The following GTF2F2 variants were observed in gnomAD, a reference collection of about 807,000 sequenced individuals.
GTF2F2 encodes ATP-dependent helicase GTF2F2.
GTF2F2 carries 23 observed loss-of-function variants against 42.2 expected under a neutral mutation model. The ratio of observed to expected loss-of-function variants is 0.55; its 90% CI spans 0.39 to 0.77. GTF2F2 has a LOEUF of 0.77. GTF2F2 is among the 30% of genes least tolerant of loss of function. The pLI, the probability that GTF2F2 is intolerant of heterozygous loss-of-function variation, is 0.00. For missense variants in GTF2F2, 261 were observed against 287.2 expected, an observed-to-expected ratio of 0.91 and a Z score of 0.66; for synonymous variants, 105 against 100.8, an observed-to-expected ratio of 1.04 and a Z score of -0.25.
At chr13:45,173,767 G>A (rs1211417576) in intron 4 of GTF2F2, among the ~76,000 whole-genome samples, 11 of 151,422 alleles carry the variant, frequency 7.3e-5, no homozygotes, top group Non-Finnish European at 8.8e-5. Flanking sequence ...ACAGGCGCCC[G>A]CTACCACGCC....
intron 4 of GTF2F2, among the ~76,000 whole-genome samples, chr13:45,167,451 G>A (rs1482032059): frequency 6.8e-6 from 1 of 146,476 alleles, no homozygotes; most frequent in Non-Finnish European, 1.5e-5. Context: ...AGGCTGGAGT[G>A]CAGTGGTGCT....
intron 5 of GTF2F2, among the ~76,000 whole-genome samples, chr13:45,212,079 G>A (rs1267917716): frequency 2.0e-5 from 3 of 152,120 alleles, no homozygotes; most frequent in Non-Finnish European, 4.4e-5. Flanking sequence ...TAGCAACGTG[G>A]TAGTGCTATT....
At chr13:45,215,157 T>C (rs754859881) in intron 5 of GTF2F2, among the ~76,000 whole-genome samples, 3 of 152,190 alleles carry the variant, frequency 2.0e-5, no homozygotes, top group Non-Finnish European at 4.4e-5. Flanking sequence ...TCAGAGGAAA[T>C]GCTTTGAGAA....
intron 4 of GTF2F2, among the ~76,000 whole-genome samples, chr13:45,160,383 ACT>A (rs1239516490): frequency 1.3e-5 from 2 of 152,172 alleles, no homozygotes; most frequent in Admixed American, 1.3e-4. Context: ...CTACACTAAA[ACT>A]CTGCAAGTGG....
chr13:45,175,750 G>A (rs1028434527), intron 4 of GTF2F2, among the ~76,000 whole-genome samples: 1 of 152,116 alleles, frequency 6.6e-6, no homozygotes, highest in African/African-American at 2.4e-5. Context: ...AGCCTCCCGA[G>A]TAGCTGGGAT....
At chr13:45,276,693 G>C (rs760477321) in intron 7 of GTF2F2, among the ~76,000 whole-genome samples, 1 of 152,048 alleles carries the variant, frequency 6.6e-6, no homozygotes, top group Non-Finnish European at 1.5e-5. Context: ...CACCTGCCTC[G>C]GCCTCCCAAA....
At chr13:45,185,750 GCACTAAAT>G (rs1872389358) in intron 4 of GTF2F2, among the ~76,000 whole-genome samples, 1 of 152,088 alleles carries the variant, frequency 6.6e-6, no homozygotes, top group South Asian at 2.1e-4. Flanking sequence ...GAAAGAAAAT[GCACTAAAT>G]CATTTATGAC....
intron 7 of GTF2F2, among the ~76,000 whole-genome samples, chr13:45,277,153 C>T (rs1566159899): frequency 6.6e-6 from 1 of 152,160 alleles, no homozygotes; most frequent in Non-Finnish European, 1.5e-5. Flanking sequence ...ATCGCCTTTC[C>T]TCTAAATGAG....
In GTF2F2 at chr13:45,196,149, A is replaced by G. The variant is rs533660963; in HGVS notation, c.305-11275A>G. ...TATAGTGATCTTGAAGTTAACATTTATGTATTATTGAGATCAAAAGTTCGT... is the reference window on the plus strand; with the variant it reads ...TATAGTGATCTTGAAGTTAACATTTGTGTATTATTGAGATCAAAAGTTCGT... On this transcript the variant is annotated intron_variant, in intron 4 of 7. Transcript: ENST00000340473. Among the ~76,000 whole-genome samples the G allele has an allele frequency of 1.9e-4, 29 of 152,368 alleles. No homozygotes were observed. In the East Asian group the frequency reaches 5.6e-3, roughly 29 times the overall value.
At chr13:45,191,484 G>A (rs1872655979) in intron 4 of GTF2F2, among the ~76,000 whole-genome samples, 2 of 151,522 alleles carry the variant, frequency 1.3e-5, no homozygotes, top group South Asian at 4.2e-4. Context: ...TACTCTGAAA[G>A]CTTCACTCTG....
At chr13:45,244,392 A>G (rs1054541979) in intron 5 of GTF2F2, among the ~76,000 whole-genome samples, 2 of 152,190 alleles carry the variant, frequency 1.3e-5, no homozygotes, top group Admixed American at 6.5e-5. Flanking sequence ...GATATAGGAA[A>G]AGTTCTTACC....
chr13:45,138,513 G>A (rs563977435), intron 2 of GTF2F2, among the ~76,000 whole-genome samples: 8 of 152,246 alleles, frequency 5.3e-5, no homozygotes, highest in African/African-American at 1.7e-4. Context: ...CACAGAACAC[G>A]CAGGCTCTGG....
intron 5 of GTF2F2, among the ~76,000 whole-genome samples, chr13:45,212,459 C>CTTTTCTTTTCTTTCTTTCTTTTCT (rs55758635): frequency 1.3e-5 from 1 of 79,288 alleles, no homozygotes; most frequent in Non-Finnish European, 2.7e-5. Context: ...TTCTTTCTTT[C>CTTTTCTTTTCTTTCTTTCTTTTCT]TTTCTTTCTT....
chr13:45,196,735 G>C (rs1039930744), intron 4 of GTF2F2, among the ~76,000 whole-genome samples: 6 of 152,172 alleles, frequency 3.9e-5, no homozygotes, highest in African/African-American at 1.4e-4. Context: ...CTCTGGGTCT[G>C]CTTCCTTACA....
At chr13:45,260,824 G>A (rs186821981) in intron 6 of GTF2F2, among the ~76,000 whole-genome samples, 171 of 152,246 alleles carry the variant, frequency 1.1e-3, no homozygotes, top group African/African-American at 4.0e-3. Context: ...CCAGCCTTGA[G>A]TTTGAGACCA....
chr13:45,209,148 A>G (rs550982699), intron 5 of GTF2F2, among the ~76,000 whole-genome samples: 1 of 152,352 alleles, frequency 6.6e-6, no homozygotes, highest in Non-Finnish European at 1.5e-5. Flanking sequence ...CCTTTCAAGT[A>G]TGCTGAAAGA....
In GTF2F2 at chr13:45,233,845, C is replaced by T. The variant is rs569172597; in HGVS notation, c.387-19026C>T. On this transcript the variant is annotated intron_variant, in intron 5 of 7. Coordinates refer to ENST00000340473, the MANE Select transcript of GTF2F2 (RefSeq NM_004128.3). ...GGAGGATCACTTGAGCCCAGGAGGCCGAGGTTGCAGTGAACCGAGATCATG... is the reference window on the plus strand; with the variant it reads ...GGAGGATCACTTGAGCCCAGGAGGCTGAGGTTGCAGTGAACCGAGATCATG... Among the ~76,000 whole-genome samples the T allele has an allele frequency of 5.3e-5, 8 of 151,788 alleles. No individual in the cohort carries two copies. In the South Asian group the frequency reaches 1.0e-3, roughly 20 times the overall value.
intron 4 of GTF2F2, among the ~76,000 whole-genome samples, chr13:45,162,006 C>T (rs1871063650): frequency 6.6e-6 from 1 of 152,008 alleles, no homozygotes; most frequent in Admixed American, 6.6e-5. Flanking sequence ...TAAATACAAC[C>T]TGTCTTTGTA....
At chr13:45,226,943 T>C (rs891042441) in intron 5 of GTF2F2, among the ~76,000 whole-genome samples, 2 of 152,134 alleles carry the variant, frequency 1.3e-5, no homozygotes, top group African/African-American at 4.8e-5. Flanking sequence ...AATTTAAAAA[T>C]AAGCTGGTCA....
Sources: allele counts gnomAD v4.1 joint callset (sites outside exome capture counted in the v4.1 genomes callset), GRCh38; gene constraint gnomAD v4.1.1; transcripts MANE v1.5; gene names NCBI Gene and HGNC (gene_info 2026-07-23, HGNC 2026-07-21).